The following FRMPD2 variants were observed in gnomAD, a reference collection of about 807,000 sequenced individuals.
The protein encoded by FRMPD2 is FERM and PDZ domain containing 2.
A neutral mutation model predicts 140.1 loss-of-function variants in FRMPD2; 96 were observed. The ratio of observed to expected loss-of-function variants is 0.69; its 90% CI spans 0.58 to 0.81. FRMPD2 has a LOEUF of 0.81. FRMPD2 is among the 40% of genes least tolerant of loss of function. The pLI is 0.00. For missense variants in FRMPD2, 1,240 were observed against 1,447.4 expected, an observed-to-expected ratio of 0.86 and a Z score of 2.32; for synonymous variants, 449 against 547.6, an observed-to-expected ratio of 0.82 and a Z score of 2.52.
chr10:48,225,556 T>TA (rs1839702562), intron 10 of FRMPD2, among the ~76,000 whole-genome samples: 1 of 152,218 alleles, frequency 6.6e-6, no homozygotes, highest in African/African-American at 2.4e-5. Flanking sequence ...CTTTTGTCTT[T>TA]AAAAGCTTCC....
chr10:48,185,726 TCA>T, intron 17 of FRMPD2, 81 bp from the exon 18 acceptor site: 1 of 985,530 alleles, frequency 1.0e-6, no homozygotes, highest in Non-Finnish European at 1.6e-6. Context: ...AAACAGCATT[TCA>T]CACACATGCG....
At chr10:48,189,783 C>T (rs543914665) in intron 16 of FRMPD2, among the ~76,000 whole-genome samples, 1 of 152,336 alleles carries the variant, frequency 6.6e-6, no homozygotes, top group African/African-American at 2.4e-5. Context: ...GCCACATCTC[C>T]CAAGCAGCCG....
rs559131839 is a variant in FRMPD2, at chr10:48,179,893, G to A, written c.2790+910C>T. On this transcript the variant is annotated intron_variant, in intron 21 of 28. Transcript: ENST00000374201. The stretch of plus-strand genomic sequence containing the variant: ...AGGGAGGATAGGTCGTGGGAGACCT[G>A]TTTTCAAAGGTCTTGCCAGCCTTTG... 4.6e-5 allele frequency among the ~76,000 whole-genome samples: 7 copies of A among 152,350 alleles called. No homozygotes were observed. The South Asian group carries it at 8.3e-4, about 18-fold the overall frequency.
intron 14 of FRMPD2, among the ~76,000 whole-genome samples, chr10:48,204,259 C>G (rs1379180574): frequency 6.6e-6 from 1 of 152,188 alleles, no homozygotes; most frequent in Non-Finnish European, 1.5e-5. Flanking sequence ...GGGATATACT[C>G]TATAATTGTG....
chr10:48,201,196 A>C, intron 15 of FRMPD2, 32 bp downstream of exon 15: 1 of 1,493,266 alleles, frequency 6.7e-7, no homozygotes. Flanking sequence ...AAACTTGTCA[A>C]AGTGTATATG....
chr10:48,187,285 T>C lies in FRMPD2; in HGVS notation c.2173A>G (p.Thr725Ala), dbSNP rs1306578231. The C allele has an allele frequency of 1.4e-5, 23 of 1,613,702 alleles. No individual in the cohort carries two copies. In the East Asian group the frequency reaches 4.9e-4, roughly 34 times the overall value. Reference sequence around the variant, plus strand: ...GCACTCTTCAGCTGCTCCCGGCCAGTGCAGGGGCTGCCGGGAAAAGAAAAT... The same window carrying C: ...GCACTCTTCAGCTGCTCCCGGCCAGCGCAGGGGCTGCCGGGAAAAGAAAAT... ...GAEGIGRSPC[T>A]GREQLKSACV... Residue 725 changes from threonine to alanine, a missense_variant, in exon 17 of 29, where the codon ACT (threonine) becomes GCT (alanine). Transcript: ENST00000374201.
intron 27 of FRMPD2, among the ~76,000 whole-genome samples, chr10:48,164,436 T>C (rs1838041589): frequency 6.6e-6 from 1 of 150,422 alleles, no homozygotes; most frequent in Non-Finnish European, 1.5e-5. Flanking sequence ...GAATCATGAT[T>C]TTACCTTTTC....
chr10:48,233,141 A>AG (rs751746971), intron 9 of FRMPD2, among the ~76,000 whole-genome samples: 3 of 152,190 alleles, frequency 2.0e-5, no homozygotes, highest in Non-Finnish European at 4.4e-5. Flanking sequence ...AGTCATGGAC[A>AG]GACACTAGCA....
At chr10:48,236,058 T>G (rs77044326) in intron 9 of FRMPD2, among the ~76,000 whole-genome samples, 9,521 of 147,852 alleles carry the variant, frequency 0.064, 1,017 homozygotes, top group African/African-American at 0.24. Context: ...TTTTTTTGTT[T>G]TTGTTTTTTG....
chr10:48,254,009 T>C (rs1474867933), intron 1 of FRMPD2, among the ~76,000 whole-genome samples: 1 of 151,744 alleles, frequency 6.6e-6, no homozygotes, highest in Non-Finnish European at 1.5e-5. Context: ...CCATATCAAA[T>C]ATAACCATGA....
rs73296335 is a variant in FRMPD2 at position 48,249,601 on chromosome 10, T to G, written c.152-423A>C. ...ACGCTGAAGGCACAGGTGCACAGCCTCCTCCATAGGCCCATGCTGGGACCC... is the reference window on the plus strand; with the variant it reads ...ACGCTGAAGGCACAGGTGCACAGCCGCCTCCATAGGCCCATGCTGGGACCC... On this transcript the variant is annotated intron_variant, in intron 2 of 28. Transcript: ENST00000374201. 5.7e-3 allele frequency among the ~76,000 whole-genome samples: 861 copies of G among 152,292 alleles called. 12 individuals carry two copies. The highest frequency in any genetic ancestry group is 0.02 in the African/African-American group (822 of 41,552).
intron 15 of FRMPD2, among the ~76,000 whole-genome samples, chr10:48,195,221 T>A (rs12258653): frequency 0.044 from 6,644 of 152,230 alleles, 501 homozygotes; most frequent in African/African-American, 0.15. Context: ...AGACCACCCA[T>A]GAGAAACAGC....
intron 13 of FRMPD2, among the ~76,000 whole-genome samples, chr10:48,210,204 G>A (rs1264356988): frequency 6.6e-6 from 1 of 152,096 alleles, no homozygotes; most frequent in Non-Finnish European, 1.5e-5. Flanking sequence ...ACAAAGCCCT[G>A]TCTAGTTTAT....
intron 14 of FRMPD2, among the ~76,000 whole-genome samples, chr10:48,203,020 G>A (rs1334173762): frequency 2.0e-5 from 3 of 152,162 alleles, no homozygotes; most frequent in African/African-American, 7.2e-5. Flanking sequence ...GGCTGCTCTC[G>A]AACTCCTGGA....
intron 14 of FRMPD2, among the ~76,000 whole-genome samples, chr10:48,202,766 TAA>T (rs1330811867): frequency 3.9e-5 from 6 of 152,352 alleles, no homozygotes; most frequent in Admixed American, 6.5e-5. Flanking sequence ...AATTTTATAT[TAA>T]GTTTATTCAG....
At chr10:48,270,967 T>C (rs546791243) in intron 1 of FRMPD2, among the ~76,000 whole-genome samples, 8 of 152,276 alleles carry the variant, frequency 5.3e-5, no homozygotes, top group Non-Finnish European at 7.4e-5. Flanking sequence ...CCTACAACCA[T>C]ACCTTGCCCC....
Position 48,238,520 on chromosome 10 carries a change from CA to C in FRMPD2, c.789-398del, listed in dbSNP as rs1334736400. Reference sequence around the variant, plus strand: ...CAATAAAATATATTGTTTAAGGAATCAGGGGGTAAAAATTGTTTTCATTGGG... The same window carrying C: ...CAATAAAATATATTGTTTAAGGAATCGGGGGTAAAAATTGTTTTCATTGGG... On this transcript the variant is annotated intron_variant, in intron 7 of 28. Coordinates refer to ENST00000374201, the MANE Select transcript of FRMPD2 (RefSeq NM_001018071.4). Among the ~76,000 whole-genome samples, 17 of 151,908 alleles carry C rather than the reference CA, an allele frequency of 1.1e-4. 2 individuals are homozygous for C. In the South Asian group the frequency reaches 2.1e-3, roughly 19 times the overall value.
At chr10:48,263,086 T>C (rs1185340275) in intron 1 of FRMPD2, among the ~76,000 whole-genome samples, 1 of 151,916 alleles carries the variant, frequency 6.6e-6, no homozygotes, top group Non-Finnish European at 1.5e-5. Context: ...AAAGGAAATC[T>C]CAAGATAAAA....
intron 15 of FRMPD2, among the ~76,000 whole-genome samples, chr10:48,197,439 G>A (rs1838980041): frequency 6.6e-6 from 1 of 152,184 alleles, no homozygotes; most frequent in African/African-American, 2.4e-5. Flanking sequence ...GCTGCCCAAA[G>A]TCACACAGCT....
Sources: allele counts gnomAD v4.1 joint callset (sites outside exome capture counted in the v4.1 genomes callset), GRCh38; gene constraint gnomAD v4.1.1; transcripts MANE v1.5; gene names NCBI Gene and HGNC (gene_info 2026-07-23, HGNC 2026-07-21).